The following SYT16 variants were observed in gnomAD, a reference collection of about 807,000 sequenced individuals.
The protein encoded by SYT16 is synaptotagmin-16.
In SYT16, 42 loss-of-function variants were observed where a neutral mutation model predicts 61.4. That is an observed-to-expected ratio of 0.68 (90% confidence interval 0.53 to 0.89). The LOEUF (loss-of-function observed/expected upper bound fraction) is 0.89. SYT16 is among the 40% of genes least tolerant of loss of function. SYT16 has a pLI of 0.00. For synonymous variants in SYT16, 314 were observed against 302.3 expected (o/e 1.04, Z -0.40); for missense variants, 804 against 807.3 (o/e 1.00, Z 0.05).
rs111900405 is a variant in SYT16, at chr14:61,822,978, T to C, written c.-325+10168T>C. ...GGTATTACTTAAAGTTTTAAGGCTC[T>C]ATTTTTTTATTTTTTATTTTATTTA... is the stretch of plus-strand genomic sequence containing the variant. On this transcript the variant is annotated intron_variant, in intron 1 of 7. Transcript: ENST00000683842. Among the ~76,000 whole-genome samples, 1,386 of 152,290 alleles carry C rather than the reference T, an allele frequency of 9.1e-3. 10 individuals are homozygous for C. The highest frequency in any genetic ancestry group is 0.013 in the Non-Finnish European group (910 of 68,026).
intron 3 of SYT16, among the ~76,000 whole-genome samples, chr14:62,048,112 T>C (rs1281102907): frequency 1.3e-5 from 2 of 152,338 alleles, no homozygotes; most frequent in Admixed American, 6.5e-5. Context: ...GTCCTGGATT[T>C]TTTTTGGTTG....
chr14:62,051,574 C>T (rs2055300534), intron 3 of SYT16, among the ~76,000 whole-genome samples: 1 of 152,242 alleles, frequency 6.6e-6, no homozygotes, highest in Non-Finnish European at 1.5e-5. Flanking sequence ...ACGCTAGGAG[C>T]TGTATACTAG....
intron 1 of SYT16, among the ~76,000 whole-genome samples, chr14:61,959,552 G>A (rs943759511): frequency 1.3e-5 from 2 of 152,082 alleles, no homozygotes; most frequent in South Asian, 2.1e-4. Context: ...TGCAACTGAC[G>A]TCATATTTTG....
At chr14:62,043,121 G>T (rs1287936204) in intron 3 of SYT16, among the ~76,000 whole-genome samples, 5 of 139,728 alleles carry the variant, frequency 3.6e-5, no homozygotes, top group South Asian at 2.3e-4. Flanking sequence ...TTTTTACATA[G>T]AAAGTTCTAT....
chr14:61,958,645 T>G (rs2050981562), intron 1 of SYT16, among the ~76,000 whole-genome samples: 1 of 152,202 alleles, frequency 6.6e-6, no homozygotes, highest in South Asian at 2.1e-4. Context: ...TTCTTAAGTT[T>G]GTTAAGAATT....
In SYT16 at chr14:61,935,721, G is replaced by A. The variant is rs553158439; in HGVS notation, c.-324-34411G>A. On this transcript the variant is annotated intron_variant, in intron 1 of 7. Transcript: ENST00000683842. ...ATGTGTCCCATGTGGGCTCTAAGTCGGTAGAGTTAGAAGGATGTTTCTGGT... is the reference window on the plus strand; with the variant it reads ...ATGTGTCCCATGTGGGCTCTAAGTCAGTAGAGTTAGAAGGATGTTTCTGGT... 9.9e-5 allele frequency among the ~76,000 whole-genome samples: 15 copies of A among 152,272 alleles called. No individual in the cohort carries two copies. In the South Asian group the frequency reaches 1.9e-3, roughly 19 times the overall value.
chr14:61,885,207 C>T (rs1482142118), intron 1 of SYT16, among the ~76,000 whole-genome samples: 3 of 152,168 alleles, frequency 2.0e-5, no homozygotes, highest in Non-Finnish European at 4.4e-5. Context: ...TTGAACCAGA[C>T]TCTTGGATTC....
At chr14:61,870,818 T>C (rs527980163) in intron 1 of SYT16, among the ~76,000 whole-genome samples, 1 of 152,330 alleles carries the variant, frequency 6.6e-6, no homozygotes, top group South Asian at 2.1e-4. Context: ...TCCATTTCTG[T>C]TCTCAATATG....
At chr14:61,917,750 A>G (rs2049174682) in intron 1 of SYT16, among the ~76,000 whole-genome samples, 1 of 152,194 alleles carries the variant, frequency 6.6e-6, no homozygotes, top group African/African-American at 2.4e-5. Context: ...ACACAGCACT[A>G]TAAACTATAG....
rs957314025 is a variant in SYT16 at position 62,107,073 on chromosome 14, C to T, written c.*6366C>T. 4 of 150,544 alleles carry T rather than the reference C, an allele frequency of 2.7e-5. No individual in the cohort carries two copies. Among genetic ancestry groups the T allele is most frequent in the African/African-American group, 9.8e-5 (4 of 40,828 alleles). 9.3% of individuals were successfully genotyped at this position (150,544 alleles called of 1,614,324 possible). A position where few individuals can be genotyped will look rare whatever the true frequency, so the allele number is the denominator to read the frequency against. On this transcript the variant is annotated 3_prime_UTR_variant, in exon 8 of 8. Coordinates refer to ENST00000683842, the MANE Select transcript of SYT16 (RefSeq NM_001367656.1). ...ATTTATGCATTATTTTTGTTTACGT[C>T]ATTTCCCCCTTGAAGTATCTAGTTG...
intron 1 of SYT16, among the ~76,000 whole-genome samples, chr14:61,937,450 T>A (rs2050026832): frequency 6.6e-6 from 1 of 152,232 alleles, no homozygotes; most frequent in East Asian, 1.9e-4. Flanking sequence ...ACTTAGCTTT[T>A]AGATTTTATT....
rs1298599296 is a variant in SYT16, at chr14:62,047,450, A to G, written c.524-22153A>G. ...GACAATTTGACTTCCTCTTTTCCTA[A>G]TTGAATGCCCGTTATTTCCTTCTCC... On this transcript the variant is annotated intron_variant, in intron 3 of 7. Coordinates refer to ENST00000683842, the MANE Select transcript of SYT16 (RefSeq NM_001367656.1). Among the ~76,000 whole-genome samples, 6 of 152,176 alleles carry G rather than the reference A, an allele frequency of 3.9e-5. No individual in the cohort carries two copies. In the East Asian group the frequency reaches 1.2e-3, roughly 29 times the overall value.
chr14:61,883,221 A>T (rs112839173), intron 1 of SYT16, among the ~76,000 whole-genome samples: 21 of 152,314 alleles, frequency 1.4e-4, no homozygotes, highest in Middle Eastern at 3.4e-3. Flanking sequence ...CTCATTACTT[A>T]TGCAAATTTC....
chr14:61,971,736 A>G (rs1003033331), intron 2 of SYT16, among the ~76,000 whole-genome samples: 1 of 152,256 alleles, frequency 6.6e-6, no homozygotes, highest in African/African-American at 2.4e-5. Context: ...AGAGGTGTAA[A>G]TTGCAGATTT....
intron 1 of SYT16, among the ~76,000 whole-genome samples, chr14:61,848,542 G>A (rs142728201): frequency 2.0e-5 from 3 of 152,200 alleles, no homozygotes; most frequent in Non-Finnish European, 4.4e-5. Context: ...CACAACACTG[G>A]GCCTCATTCA....
At position 61,826,196 on chromosome 14, in the gene SYT16, T is replaced by A. The variant is rs148747297; in HGVS notation, c.-325+13386T>A. Among the ~76,000 whole-genome samples, 406 of 152,058 alleles carry A rather than the reference T, an allele frequency of 2.7e-3. 7 individuals are homozygous for A. The highest frequency in any genetic ancestry group is 9.4e-3 in the African/African-American group (389 of 41,328). On this transcript the variant is annotated intron_variant, in intron 1 of 7. Coordinates refer to ENST00000683842, the MANE Select transcript of SYT16 (RefSeq NM_001367656.1). ...GCCCTGGACAGGATGCCATCCCATCTCAGGGCACTCACACACAGCCACACT... is the reference window on the plus strand; with the variant it reads ...GCCCTGGACAGGATGCCATCCCATCACAGGGCACTCACACACAGCCACACT...
chr14:61,941,809 G>A (rs2050222027), intron 1 of SYT16, among the ~76,000 whole-genome samples: 2 of 152,186 alleles, frequency 1.3e-5, no homozygotes, highest in Admixed American at 6.5e-5. Context: ...GTGGGGGGCA[G>A]GGTCTCAATT....
intron 1 of SYT16, among the ~76,000 whole-genome samples, chr14:61,882,472 A>T (rs867023667): frequency 2.0e-5 from 3 of 152,174 alleles, no homozygotes; most frequent in Non-Finnish European, 1.5e-5. Context: ...TGAGAACAGC[A>T]TGGGAGAAAC....
intron 1 of SYT16, among the ~76,000 whole-genome samples, chr14:61,886,623 C>T (rs1045257744): frequency 2.6e-5 from 4 of 152,192 alleles, no homozygotes; most frequent in South Asian, 2.1e-4. Flanking sequence ...TTAGGCTCCA[C>T]GTCTAATTCC....
Sources: gnomAD v4.1 joint callset for allele counts (sites outside exome capture counted in the v4.1 genomes callset) on GRCh38, gnomAD v4.1.1 for gene constraint, MANE v1.5 for transcripts, NCBI Gene and HGNC (gene_info 2026-07-23, HGNC 2026-07-21) for gene names.